Variants in PLCB1 observed in about 807,000 individuals in gnomAD.
The protein encoded by PLCB1 is phospholipase C beta 1.
In PLCB1, 46 loss-of-function variants were observed where a neutral mutation model predicts 161.8. That is an observed-to-expected ratio of 0.28 (90% CI 0.22 to 0.36). The LOEUF (loss-of-function observed/expected upper bound fraction) is 0.36. Ranked by LOEUF, PLCB1 falls within the 10% of genes least tolerant of loss-of-function variation. The probability of loss-of-function intolerance (pLI) is 1.00; values close to 1 mark genes in which losing one functional copy is unlikely to be tolerated. For missense variants in PLCB1, 1,016 were observed against 1,472.5 expected (o/e 0.69, Z 5.07); for synonymous variants, 517 against 503.7 (o/e 1.03, Z -0.35).
At position 8,577,201 on chromosome 20, in the gene PLCB1, G is replaced by A. The variant is rs530586396; in HGVS notation, c.247-51093G>A. Among the ~76,000 whole-genome samples, 80 of 151,934 alleles carry A rather than the reference G, an allele frequency of 5.3e-4. No individual in the cohort carries two copies. In the East Asian group the frequency reaches 7.6e-3, roughly 14 times the overall value. On this transcript the variant is annotated intron_variant, in intron 3 of 31. Coordinates refer to ENST00000338037, the MANE Select transcript of PLCB1 (RefSeq NM_015192.4). ...TCCCAGCACTTTGGGAGGCTGAGGC[G>A]GGCGGATCACGAGGTTGGGAGATCG...
chr20:8,372,747 T>G (rs1986944296), intron 3 of PLCB1, among the ~76,000 whole-genome samples: 1 of 152,216 alleles, frequency 6.6e-6, no homozygotes, highest in Admixed American at 6.5e-5. Flanking sequence ...CCCAACAACA[T>G]TTCAGCCAAA....
Position 8,770,598 on chromosome 20 carries a change from A to C in PLCB1, c.2931-3941A>C, listed in dbSNP as rs144194397. On this transcript the variant is annotated intron_variant, in intron 26 of 31. Coordinates refer to ENST00000338037, the MANE Select transcript of PLCB1 (RefSeq NM_015192.4). ...ACATTCTAGGGAGACATGAGACATC[A>C]CTCAACCTATGCAAGATGAACACTG... Among the ~76,000 whole-genome samples, 105 of 152,280 alleles carry C rather than the reference A, an allele frequency of 6.9e-4. No individual in the cohort carries two copies. The East Asian group carries it at 0.016, about 24-fold the overall frequency.
intron 3 of PLCB1, among the ~76,000 whole-genome samples, chr20:8,562,250 T>C (rs530962973): frequency 3.0e-4 from 45 of 152,176 alleles, no homozygotes; most frequent in Non-Finnish European, 4.7e-4. Flanking sequence ...ACCTTAAAAA[T>C]TGTAATGACA....
In PLCB1 at chr20:8,685,220, A is replaced by G. The variant is rs1218137175; in HGVS notation, c.1009+142A>G. The G allele has an allele frequency of 8.2e-6, 6 of 730,736 alleles. No homozygotes were observed. The African/African-American group carries it at 1.1e-4, about 13-fold the overall frequency. The allele number at this position is 730,736 out of a possible 1,614,324, so 45.3% of individuals were successfully genotyped here. On this transcript the variant is annotated intron_variant, in intron 10 of 31. Transcript: ENST00000338037. ...TGAGAACTCTGGGGTTCCACCACTA[A>G]AGCCTCCCGCCTCCCATAAGCAGTC...
intron 3 of PLCB1, among the ~76,000 whole-genome samples, chr20:8,390,137 CCA>C (rs1374021076): frequency 1.3e-5 from 2 of 152,174 alleles, no homozygotes; most frequent in African/African-American, 4.8e-5. Flanking sequence ...CAGCAAAGTA[CCA>C]CAGGCTAAGT....
At chr20:8,722,298 C>A in intron 14 of PLCB1, 56 bp from the exon 15 acceptor site, 1 of 1,300,488 alleles carries the variant, frequency 7.7e-7, no homozygotes, top group Non-Finnish European at 1.1e-6. Flanking sequence ...GTTACAAATG[C>A]TGTAAAGCTA....
chr20:8,185,556 G>C (rs2051894327), intron 2 of PLCB1, among the ~76,000 whole-genome samples: 1 of 144,414 alleles, frequency 6.9e-6, no homozygotes, highest in Non-Finnish European at 1.5e-5. Flanking sequence ...ATATTTGTTT[G>C]TGTATATATA....
At chr20:8,690,588 A>G (rs572703517) in intron 10 of PLCB1, among the ~76,000 whole-genome samples, 1 of 152,280 alleles carries the variant, frequency 6.6e-6, no homozygotes, top group Middle Eastern at 3.4e-3. Flanking sequence ...CAAGGCCTGA[A>G]AAATACCTTA....
intron 2 of PLCB1, among the ~76,000 whole-genome samples, chr20:8,175,338 C>T (rs960165295): frequency 1.3e-5 from 2 of 151,978 alleles, no homozygotes; most frequent in African/African-American, 4.8e-5. Context: ...TAGATATAGA[C>T]CCATACACAT....
chr20:8,847,488 T>C (rs760335687), intron 31 of PLCB1, among the ~76,000 whole-genome samples: 14 of 152,152 alleles, frequency 9.2e-5, no homozygotes, highest in Non-Finnish European at 1.5e-4. Flanking sequence ...TTGGGGCCAG[T>C]TGGGAAGGGA....
At chr20:8,174,548 A>G (rs149315364) in intron 2 of PLCB1, among the ~76,000 whole-genome samples, 21 of 152,320 alleles carry the variant, frequency 1.4e-4, no homozygotes, top group Middle Eastern at 3.4e-3. Flanking sequence ...GAGCTGAAAT[A>G]TGTGTGCAAG....
chr20:8,515,082 A>G (rs1984056413), intron 3 of PLCB1, among the ~76,000 whole-genome samples: 2 of 152,226 alleles, frequency 1.3e-5, no homozygotes, highest in African/African-American at 4.8e-5. Context: ...ACAAAGGAAC[A>G]AACAAAAACA....
At chr20:8,604,106 A>C (rs1987683294) in intron 3 of PLCB1, among the ~76,000 whole-genome samples, 1 of 151,914 alleles carries the variant, frequency 6.6e-6, no homozygotes, top group African/African-American at 2.4e-5. Flanking sequence ...CACAAAAATT[A>C]GCTAGGTATG....
chr20:8,837,966 A>T (rs1986353272), intron 31 of PLCB1, among the ~76,000 whole-genome samples: 2 of 152,192 alleles, frequency 1.3e-5, no homozygotes, highest in South Asian at 4.1e-4. Context: ...CTCACAGAGA[A>T]CCATGGCACT....
intron 3 of PLCB1, among the ~76,000 whole-genome samples, chr20:8,587,809 G>A (rs1236338899): frequency 6.6e-6 from 1 of 152,164 alleles, no homozygotes; most frequent in Non-Finnish European, 1.5e-5. Context: ...GGAGTCCTGG[G>A]TTTGAGCTTT....
intron 2 of PLCB1, among the ~76,000 whole-genome samples, chr20:8,353,444 CA>C (rs1181241665): frequency 6.6e-6 from 1 of 151,818 alleles, no homozygotes; most frequent in East Asian, 1.9e-4. Flanking sequence ...CAACTTCCTG[CA>C]AAAAAAGCAC....
Position 8,708,794 on chromosome 20 carries a change from T to C in PLCB1, c.1250+42T>C, listed in dbSNP as rs6133609. Reference sequence around the variant, plus strand: ...TTCAGGAATGAGTCTTTTTCCCGAATAGGGCATACTGAGTAATTGTTTATC... The same window carrying C: ...TTCAGGAATGAGTCTTTTTCCCGAACAGGGCATACTGAGTAATTGTTTATC... On this transcript the variant is annotated intron_variant, in intron 12 of 31. Coordinates refer to ENST00000338037, the MANE Select transcript of PLCB1 (RefSeq NM_015192.4). The C allele has an allele frequency of 0.036, 39,706 of 1,117,914 alleles. 1,488 individuals are homozygous for C. Among genetic ancestry groups the C allele is most frequent in the African/African-American group, 0.17 (11,336 of 65,890 alleles). The allele number at this position is 1,117,914 out of a possible 1,614,324, so 69.2% of individuals were successfully genotyped here.
At chr20:8,393,479 A>C (rs1267546735) in intron 3 of PLCB1, among the ~76,000 whole-genome samples, 1 of 152,052 alleles carries the variant, frequency 6.6e-6, no homozygotes, top group Non-Finnish European at 1.5e-5. Context: ...TGAGACCCAA[A>C]GCCCTATCTC....
chr20:8,199,696 CTT>C (rs2052070534), intron 2 of PLCB1, among the ~76,000 whole-genome samples: 1 of 151,908 alleles, frequency 6.6e-6, no homozygotes, highest in Non-Finnish European at 1.5e-5. Flanking sequence ...TAGTTTATAA[CTT>C]ATCTTTTAAC....
Sources: allele counts gnomAD v4.1 joint callset (sites outside exome capture counted in the v4.1 genomes callset), GRCh38; gene constraint gnomAD v4.1.1; transcripts MANE v1.5; gene names NCBI Gene and HGNC (gene_info 2026-07-23, HGNC 2026-07-21).